MACROD2: variants seen among roughly 807,000 people sequenced by gnomAD.
MACROD2 encodes mono-ADP ribosylhydrolase 2, also known as ADP-ribose glycohydrolase MACROD2.
In MACROD2, 36 loss-of-function variants were observed where a neutral mutation model predicts 70.4. The observed-to-expected ratio is 0.51, with a 90% CI of 0.39 to 0.68. The LOEUF (loss-of-function observed/expected upper bound fraction) is 0.68, where lower values mean the gene tolerates loss of function less well. Ranked by LOEUF, MACROD2 falls within the 30% of genes least tolerant of loss-of-function variation. The probability of loss-of-function intolerance (pLI) is 0.00; values close to 1 mark genes in which losing one functional copy is unlikely to be tolerated. For synonymous variants in MACROD2, 172 were observed against 178.8 expected, an observed-to-expected ratio of 0.96 and a Z score of 0.30; for missense variants, 496 against 538.4, an observed-to-expected ratio of 0.92 and a Z score of 0.78.
intron 3 of MACROD2, among the ~76,000 whole-genome samples, chr20:14,388,154 C>T (rs942697984): frequency 5.3e-5 from 8 of 151,850 alleles, no homozygotes; most frequent in South Asian, 2.1e-4. Flanking sequence ...GGACTATAGG[C>T]GCCTGCCACC....
chr20:15,005,992 A>G (rs1018205686), intron 5 of MACROD2, among the ~76,000 whole-genome samples: 4 of 152,142 alleles, frequency 2.6e-5, no homozygotes, highest in Non-Finnish European at 5.9e-5. Context: ...TCTACCTGAC[A>G]TATCGTCTCT....
intron 3 of MACROD2, among the ~76,000 whole-genome samples, chr20:14,305,115 A>G (rs1035885888): frequency 6.6e-6 from 1 of 152,172 alleles, no homozygotes; most frequent in Non-Finnish European, 1.5e-5. Flanking sequence ...ACTGTGCACT[A>G]AGGTTAAAAG....
At chr20:15,354,348 T>C (rs1020206613) in intron 6 of MACROD2, among the ~76,000 whole-genome samples, 3 of 151,700 alleles carry the variant, frequency 2.0e-5, no homozygotes, top group Non-Finnish European at 4.4e-5. Context: ...CGGGGCCTGT[T>C]GTGGGGTGGG....
chr20:14,589,182 A>G (rs929730092), intron 4 of MACROD2, among the ~76,000 whole-genome samples: 21 of 152,130 alleles, frequency 1.4e-4, no homozygotes, highest in African/African-American at 4.8e-4. Context: ...ATGTATATCT[A>G]ATGATTAAAT....
At chr20:15,691,599 A>G (rs1161900803) in intron 8 of MACROD2, among the ~76,000 whole-genome samples, 2 of 152,196 alleles carry the variant, frequency 1.3e-5, no homozygotes, top group South Asian at 4.1e-4. Flanking sequence ...TTCTCTAAGT[A>G]GGGACATAGA....
At chr20:15,105,032 T>C (rs905209191) in intron 5 of MACROD2, among the ~76,000 whole-genome samples, 1 of 152,134 alleles carries the variant, frequency 6.6e-6, no homozygotes, top group East Asian at 1.9e-4. Context: ...AAAAGATGAA[T>C]TGTCCAAGTA....
At chr20:14,726,877 C>T (rs759641513) in intron 5 of MACROD2, among the ~76,000 whole-genome samples, 1 of 152,098 alleles carries the variant, frequency 6.6e-6, no homozygotes, top group Non-Finnish European at 1.5e-5. Context: ...AAATCACACA[C>T]ATGATGTGTT....
intron 6 of MACROD2, among the ~76,000 whole-genome samples, chr20:15,318,045 A>G (rs990012249): frequency 5.3e-5 from 8 of 152,174 alleles, no homozygotes; most frequent in African/African-American, 1.7e-4. Context: ...GAAGAAAAAA[A>G]CAGAAGTTGC....
intron 5 of MACROD2, among the ~76,000 whole-genome samples, chr20:15,132,763 C>T (rs1023652369): frequency 1.4e-4 from 22 of 151,760 alleles, no homozygotes; most frequent in East Asian, 3.9e-4. Flanking sequence ...ATAATATTCA[C>T]GGCAATTTTG....
chr20:14,321,623 A>G (rs760961020), intron 3 of MACROD2, among the ~76,000 whole-genome samples: 50 of 152,320 alleles, frequency 3.3e-4, no homozygotes, highest in Admixed American at 8.5e-4. Context: ...TAGTACATTC[A>G]TTGGTGGATT....
chr20:15,066,728 A>C (rs796142252), intron 5 of MACROD2, among the ~76,000 whole-genome samples: 1 of 152,034 alleles, frequency 6.6e-6, no homozygotes, highest in African/African-American at 2.4e-5. Context: ...AAAAATACAA[A>C]AAAATTATGC....
At chr20:15,795,330 G>A (rs1419992675) in intron 8 of MACROD2, among the ~76,000 whole-genome samples, 1 of 152,076 alleles carries the variant, frequency 6.6e-6, no homozygotes, top group Non-Finnish European at 1.5e-5. Context: ...TGACTAAAGG[G>A]GTGTGGGATC....
intron 8 of MACROD2, among the ~76,000 whole-genome samples, chr20:15,611,719 T>C (rs1475859128): frequency 6.6e-6 from 1 of 151,518 alleles, no homozygotes; most frequent in Non-Finnish European, 1.5e-5. Context: ...ATTCATTTGT[T>C]CTTGTGGAAA....
At chr20:14,896,975 T>C (rs539449771) in intron 5 of MACROD2, among the ~76,000 whole-genome samples, 1 of 152,180 alleles carries the variant, frequency 6.6e-6, no homozygotes, top group Non-Finnish European at 1.5e-5. Context: ...AGCTTGAGTT[T>C]ATATTATAGA....
intron 4 of MACROD2, among the ~76,000 whole-genome samples, 179 bp from the exon 5 acceptor site, chr20:14,684,664 C>T (rs1464669034): frequency 6.6e-6 from 1 of 151,068 alleles, no homozygotes; most frequent in African/African-American, 2.4e-5. Flanking sequence ...CCCCCCCGGC[C>T]CCCGCCAACA....
At chr20:14,263,972 AAC>A (rs71190124) in intron 3 of MACROD2, among the ~76,000 whole-genome samples, 2,464 of 127,004 alleles carry the variant, frequency 0.019, 37 homozygotes, top group East Asian at 0.051. Flanking sequence ...ACCCTATCTA[AAC>A]ACACACACAC....
chr20:15,952,122 T>C (rs752400961), intron 12 of MACROD2, among the ~76,000 whole-genome samples: 2 of 149,944 alleles, frequency 1.3e-5, no homozygotes, highest in African/African-American at 2.4e-5. Context: ...CCACCATCCA[T>C]GTAAGATGTC....
At chr20:15,050,528 T>C (rs961211621) in intron 5 of MACROD2, among the ~76,000 whole-genome samples, 34 of 141,448 alleles carry the variant, frequency 2.4e-4, no homozygotes, top group African/African-American at 8.6e-4. Context: ...ACTTTCTATT[T>C]AGGTCTTTTT....
At chr20:14,632,931 G>A (rs1984590864) in intron 4 of MACROD2, among the ~76,000 whole-genome samples, 1 of 152,224 alleles carries the variant, frequency 6.6e-6, no homozygotes, top group South Asian at 2.1e-4. Context: ...TGTGGCTGCT[G>A]TAACAAACCA....
Sources: gnomAD v4.1 joint callset for allele counts (sites outside exome capture counted in the v4.1 genomes callset) on GRCh38, gnomAD v4.1.1 for gene constraint, MANE v1.5 for transcripts, NCBI Gene and HGNC (gene_info 2026-07-23, HGNC 2026-07-21) for gene names.